KCNIP1: variants seen among roughly 807,000 people sequenced by gnomAD.
KCNIP1 encodes potassium voltage-gated channel interacting protein 1.
Under a neutral mutation model 33.0 loss-of-function variants are expected in KCNIP1, and 18 were observed. The observed-to-expected ratio is 0.55, with a 90% CI of 0.38 to 0.81. KCNIP1 has a LOEUF of 0.81. Ranked by LOEUF, KCNIP1 falls within the 30% of genes least tolerant of loss-of-function variation. KCNIP1 has a pLI of 0.00. For missense variants in KCNIP1, 238 were observed against 271.6 expected (o/e 0.88, Z 0.87); for synonymous variants, 93 against 98.3 (o/e 0.95, Z 0.32).
intron 1 of KCNIP1, among the ~76,000 whole-genome samples, chr5:170,507,198 T>A (rs989771090): frequency 1.4e-4 from 22 of 152,288 alleles, no homozygotes; most frequent in African/African-American, 4.8e-4. Context: ...GCAGTTGGGA[T>A]TTTTCAACTC....
chr5:170,391,509 T>C (rs1477287879), intron 1 of KCNIP1, among the ~76,000 whole-genome samples: 1 of 152,170 alleles, frequency 6.6e-6, no homozygotes, highest in Non-Finnish European at 1.5e-5. Flanking sequence ...CGGGGTTGTG[T>C]GTGACAGATG....
chr5:170,531,461 A>G (rs1405972073), intron 1 of KCNIP1, among the ~76,000 whole-genome samples: 1 of 152,158 alleles, frequency 6.6e-6, no homozygotes, highest in African/African-American at 2.4e-5. Context: ...AACATCACAC[A>G]AGACAGAAGT....
At chr5:170,604,345 C>G (rs1035622168) in intron 1 of KCNIP1, among the ~76,000 whole-genome samples, 48 of 152,332 alleles carry the variant, frequency 3.2e-4, no homozygotes, top group African/African-American at 1.2e-3. Flanking sequence ...CCTGGCAGCC[C>G]ACTCTGATGC....
chr5:170,682,784 CTTT>C (rs70979196), intron 1 of KCNIP1, among the ~76,000 whole-genome samples: 19 of 71,392 alleles, frequency 2.7e-4, no homozygotes, highest in East Asian at 6.2e-4. Context: ...TTCTTTGTTT[CTTT>C]TTTTTTTTTT....
intron 1 of KCNIP1, among the ~76,000 whole-genome samples, chr5:170,633,740 G>GGGGGCGGGGGGC (rs1760169538): frequency 1.3e-5 from 1 of 74,686 alleles, no homozygotes; most frequent in Non-Finnish European, 2.9e-5. Context: ...GGACGGAGGG[G>GGGGGCGGGGGGC]GGGGCGGGGG....
intron 1 of KCNIP1, among the ~76,000 whole-genome samples, chr5:170,634,796 C>T (rs11134641): frequency 0.11 from 16,428 of 152,178 alleles, 1,028 homozygotes; most frequent in East Asian, 0.16. Context: ...ATACATTTTG[C>T]AATTTGTTTA....
rs375016690 is a variant in KCNIP1, at chr5:170,718,892, G to A, written c.186+10G>A. 7.1e-4 allele frequency: 1,146 copies of A among 1,605,544 alleles called. 12 individuals carry two copies. In the South Asian group the frequency reaches 7.2e-3, roughly 10 times the overall value. On this transcript the variant is annotated intron_variant, in intron 2 of 7. Transcript: ENST00000328939. ...TCGAGGCTTCAAAAATGTAAGACCCGTGCACGCTCTGAAGGCCTGGGGGGG... is the reference window on the plus strand; with the variant it reads ...TCGAGGCTTCAAAAATGTAAGACCCATGCACGCTCTGAAGGCCTGGGGGGG...
At chr5:170,660,371 T>TA (rs61001714) in intron 1 of KCNIP1, among the ~76,000 whole-genome samples, 8,760 of 137,738 alleles carry the variant, frequency 0.064, 295 homozygotes, top group Non-Finnish European at 0.09. Flanking sequence ...ATGATTTTTA[T>TA]AAAAAAAAAA....
intron 1 of KCNIP1, among the ~76,000 whole-genome samples, chr5:170,623,481 G>A (rs1391691933): frequency 1.3e-5 from 2 of 151,956 alleles, no homozygotes; most frequent in Non-Finnish European, 2.9e-5. Context: ...CAAAGTGCTG[G>A]GATTACAGGC....
intron 1 of KCNIP1, among the ~76,000 whole-genome samples, chr5:170,380,516 A>C (rs1473338824): frequency 2.6e-5 from 4 of 152,126 alleles, no homozygotes; most frequent in African/African-American, 9.7e-5. Context: ...GAGGGCATTC[A>C]CTCCAGCAAC....
chr5:170,597,157 G>A (rs994158140), intron 1 of KCNIP1, among the ~76,000 whole-genome samples: 9 of 152,206 alleles, frequency 5.9e-5, no homozygotes, highest in Admixed American at 1.3e-4. Flanking sequence ...TTGGTCCAAT[G>A]TCATCATCCT....
intron 1 of KCNIP1, among the ~76,000 whole-genome samples, chr5:170,530,412 G>T (rs556496157): frequency 1.8e-4 from 28 of 152,316 alleles, no homozygotes; most frequent in African/African-American, 6.7e-4. Flanking sequence ...TGTAGATAAA[G>T]AAACTGGGAG....
intron 1 of KCNIP1, among the ~76,000 whole-genome samples, chr5:170,583,812 AGT>A (rs1757886510): frequency 6.6e-6 from 1 of 152,232 alleles, no homozygotes; most frequent in Non-Finnish European, 1.5e-5. Context: ...CCAGTAGCTC[AGT>A]GAGGTAAAGA....
At chr5:170,383,685 G>A in intron 1 of KCNIP1, 1 of 1,614,150 alleles carries the variant, frequency 6.2e-7, no homozygotes, top group Non-Finnish European at 8.5e-7. Context: ...GTACCTGCTG[G>A]TTCTGGTCCC....
intron 1 of KCNIP1, among the ~76,000 whole-genome samples, chr5:170,374,030 A>G (rs1306845407): frequency 6.6e-6 from 1 of 152,136 alleles, no homozygotes; most frequent in African/African-American, 2.4e-5. Flanking sequence ...AACTCCCCCA[A>G]ACACAAGACC....
chr5:170,696,176 G>A (rs1310176686), intron 1 of KCNIP1, among the ~76,000 whole-genome samples: 1 of 152,054 alleles, frequency 6.6e-6, no homozygotes, highest in East Asian at 1.9e-4. Flanking sequence ...GGCTCCTTCT[G>A]GTTTTTCCTT....
chr5:170,611,008 C>A (rs1759128006), intron 1 of KCNIP1, among the ~76,000 whole-genome samples: 2 of 152,204 alleles, frequency 1.3e-5, no homozygotes, highest in African/African-American at 4.8e-5. Flanking sequence ...TGAGTTCCCC[C>A]CAAAATGAAC....
At chr5:170,621,598 A>G (rs546400698) in intron 1 of KCNIP1, among the ~76,000 whole-genome samples, 26 of 152,102 alleles carry the variant, frequency 1.7e-4, no homozygotes, top group Non-Finnish European at 8.8e-5. Flanking sequence ...GCAGCCTTAA[A>G]CTCCTGGGCT....
intron 1 of KCNIP1, among the ~76,000 whole-genome samples, chr5:170,511,964 C>T (rs532344391): frequency 9.2e-4 from 140 of 152,298 alleles, no homozygotes; most frequent in Non-Finnish European, 1.2e-3. Context: ...ATTAGCCACA[C>T]GGAACAACTG....
Sources: allele counts gnomAD v4.1 joint callset (sites outside exome capture counted in the v4.1 genomes callset), GRCh38; gene constraint gnomAD v4.1.1; transcripts MANE v1.5; gene names NCBI Gene and HGNC (gene_info 2026-07-23, HGNC 2026-07-21).